The following SAMSN1 variants were observed in gnomAD, a reference collection of about 807,000 sequenced individuals.
The protein encoded by SAMSN1 is SAM domain-containing protein SAMSN-1.
In SAMSN1, 31 loss-of-function variants were observed where a neutral mutation model predicts 42.0. That is an observed-to-expected ratio of 0.74 (90% confidence interval 0.55 to 1.00). The LOEUF is 1.00. Among genes scored for constraint, SAMSN1 ranks in the 50% least tolerant of loss-of-function variants. The pLI is 0.00. For synonymous variants in SAMSN1, 178 were observed against 151.9 expected (o/e 1.17, Z -1.26); for missense variants, 464 against 439.4 (o/e 1.06, Z -0.50).
chr21:14,630,365 T>C (rs1385718004), intron 2 of SAMSN1, among the ~76,000 whole-genome samples: 1 of 151,816 alleles, frequency 6.6e-6, no homozygotes, highest in African/African-American at 2.4e-5. Context: ...AAAGTAGGAA[T>C]GGGCTTTTTT....
chr21:14,656,963 C>T, intron 1 of SAMSN1, among the ~76,000 whole-genome samples: 1 of 151,360 alleles, frequency 6.6e-6, no homozygotes, highest in East Asian at 1.9e-4. Context: ...GGTTTTTATT[C>T]TCTTTTCTTA....
upstream of SAMSN1, among the ~76,000 whole-genome samples, chr21:14,547,765 TTGTC>T (rs1315139400): frequency 1.3e-5 from 2 of 152,194 alleles, no homozygotes; most frequent in Admixed American, 1.3e-4. Context: ...ATTAAATTGA[TTGTC>T]TATTATGTGC....
chr21:14,645,870 C>T (rs934465105), intron 1 of SAMSN1, among the ~76,000 whole-genome samples: 31 of 152,258 alleles, frequency 2.0e-4, no homozygotes, highest in African/African-American at 7.2e-4. Flanking sequence ...AATTGGCACA[C>T]TGAAGAATGC....
At chr21:14,604,150 C>T (rs551459739) in intron 5 of SAMSN1, among the ~76,000 whole-genome samples, 46 of 152,288 alleles carry the variant, frequency 3.0e-4, no homozygotes, top group African/African-American at 1.1e-3. Context: ...AAATATTACT[C>T]TCCAAAAATG....
intron 1 of SAMSN1, among the ~76,000 whole-genome samples, chr21:14,644,548 A>G (rs1413074112): frequency 6.6e-6 from 1 of 152,086 alleles, no homozygotes; most frequent in African/African-American, 2.4e-5. Flanking sequence ...GGGCCTTGGG[A>G]AAGCCTCTGA....
At chr21:14,647,074 A>G (rs1983728362) in intron 1 of SAMSN1, among the ~76,000 whole-genome samples, 1 of 152,218 alleles carries the variant, frequency 6.6e-6, no homozygotes, top group Non-Finnish European at 1.5e-5. Context: ...ATTATCAATA[A>G]TAACATTGAA....
At chr21:14,558,923 C>T (rs1487420084) in intron 2 of SAMSN1, among the ~76,000 whole-genome samples, 1 of 152,142 alleles carries the variant, frequency 6.6e-6, no homozygotes, top group African/African-American at 2.4e-5. Context: ...ATTTCCTTTT[C>T]TACCGACTCA....
chr21:14,545,656 G>A (rs777960493), intron 1 of SAMSN1, among the ~76,000 whole-genome samples: 10 of 151,922 alleles, frequency 6.6e-5, no homozygotes, highest in Non-Finnish European at 1.3e-4. Context: ...AACACAGCCC[G>A]ATTTTTTGTG....
chr21:14,552,207 C>A (rs1800079006), intron 2 of SAMSN1, among the ~76,000 whole-genome samples: 1 of 152,096 alleles, frequency 6.6e-6, no homozygotes, highest in East Asian at 1.9e-4. Flanking sequence ...GCCCTCAATT[C>A]TACCCTTGAT....
intron 4 of SAMSN1, among the ~76,000 whole-genome samples, chr21:14,610,525 T>A (rs1195703048): frequency 1.3e-5 from 2 of 152,226 alleles, no homozygotes; most frequent in East Asian, 3.8e-4. Context: ...GTGATCTCTG[T>A]GACCCACACC....
chr21:14,627,355 CA>C (rs1309534056), intron 2 of SAMSN1, among the ~76,000 whole-genome samples: 5 of 152,086 alleles, frequency 3.3e-5, no homozygotes, highest in African/African-American at 1.2e-4. Flanking sequence ...GCATATACCC[CA>C]ATAAAAGTCA....
intron 7 of SAMSN1, among the ~76,000 whole-genome samples, chr21:14,497,009 G>C (rs902025140): frequency 2.0e-5 from 3 of 152,140 alleles, no homozygotes; most frequent in Non-Finnish European, 4.4e-5. Context: ...AGGAGGCCTG[G>C]TCCCTAAATA....
chr21:14,581,365 T>TTTTTTTTTTTTG (rs1981721049), intron 2 of SAMSN1, among the ~76,000 whole-genome samples: 1 of 118,022 alleles, frequency 8.5e-6, no homozygotes, highest in African/African-American at 3.2e-5. Flanking sequence ...TTTTTTTTTT[T>TTTTTTTTTTTTG]TTTTTTTTTT....
chr21:14,519,894 T>C (rs146603834), intron 2 of SAMSN1, among the ~76,000 whole-genome samples: 10 of 152,322 alleles, frequency 6.6e-5, no homozygotes, highest in African/African-American at 2.4e-4. Flanking sequence ...ACTTAGCATA[T>C]GTGGCCCCTA....
chr21:14,637,755 C>G (rs189979484), intron 2 of SAMSN1, among the ~76,000 whole-genome samples: 10 of 152,050 alleles, frequency 6.6e-5, no homozygotes, highest in Non-Finnish European at 1.3e-4. Flanking sequence ...TTTACAGGAC[C>G]CAAGTATTGC....
At chr21:14,645,030 ACT>A (rs1983686005) in intron 1 of SAMSN1, among the ~76,000 whole-genome samples, 1 of 151,794 alleles carries the variant, frequency 6.6e-6, no homozygotes, top group South Asian at 2.1e-4. Context: ...AATGTTTTAG[ACT>A]CTAATCCCTG....
intron 1 of SAMSN1, among the ~76,000 whole-genome samples, chr21:14,653,761 C>G (rs1983871226): frequency 6.6e-6 from 1 of 151,608 alleles, no homozygotes; most frequent in African/African-American, 2.4e-5. Context: ...CTCATGTACT[C>G]CATAAATATA....
intron 2 of SAMSN1, among the ~76,000 whole-genome samples, chr21:14,519,717 C>A (rs955837155): frequency 2.0e-5 from 3 of 151,876 alleles, no homozygotes; most frequent in African/African-American, 7.3e-5. Flanking sequence ...TGAAAATAAG[C>A]ATAGGATCTA....
exon 2 of SAMSN1, chr21:14,643,065 A>C (rs1220065286): frequency 1.4e-6 from 1 of 717,264 alleles, no homozygotes; most frequent in Non-Finnish European, 2.6e-6. Flanking sequence ...AATCAGTTCT[A>C]CTAGACATGT....
Sources: allele counts gnomAD v4.1 joint callset (sites outside exome capture counted in the v4.1 genomes callset), GRCh38; gene constraint gnomAD v4.1.1; transcripts MANE v1.5; gene names NCBI Gene and HGNC (gene_info 2026-07-23, HGNC 2026-07-21).